Variants in PCDHGA10 observed in about 807,000 individuals in gnomAD.
The protein encoded by PCDHGA10 is protocadherin gamma subfamily A, 10, also known as protocadherin gamma-A10.
Under a neutral mutation model 59.5 loss-of-function variants are expected in PCDHGA10, and 42 were observed. That is an observed-to-expected ratio of 0.71 (90% confidence interval 0.55 to 0.91). The LOEUF is 0.91. Ranked by LOEUF, PCDHGA10 falls within the 40% of genes least tolerant of loss-of-function variation. PCDHGA10 has a pLI of 0.00. For synonymous variants in PCDHGA10, 511 were observed against 517.2 expected (o/e 0.99, Z 0.16); for missense variants, 1,111 against 1,198.2 (o/e 0.93, Z 1.07).
chr5:141,441,359 G>T (rs932747576), intron 1 of PCDHGA10: 1 of 152,522 alleles, frequency 6.6e-6, no homozygotes, highest in Non-Finnish European at 1.5e-5. Flanking sequence ...TGTAACAAAT[G>T]GGGCCGTGGA....
chr5:141,481,924 A>G (rs1189494301), intron 1 of PCDHGA10, among the ~76,000 whole-genome samples: 1 of 151,648 alleles, frequency 6.6e-6, no homozygotes, highest in Non-Finnish European at 1.5e-5. Context: ...AAAAAAAAAA[A>G]AAAAAAAAAA....
At chr5:141,457,631 G>C (rs540600166) in intron 1 of PCDHGA10, among the ~76,000 whole-genome samples, 1 of 152,282 alleles carries the variant, frequency 6.6e-6, no homozygotes, top group African/African-American at 2.4e-5. Flanking sequence ...TCTTATACTT[G>C]GCCTGATTAT....
chr5:141,475,254 C>T (rs776471860), intron 1 of PCDHGA10, among the ~76,000 whole-genome samples: 9 of 152,208 alleles, frequency 5.9e-5, no homozygotes, highest in Admixed American at 1.3e-4. Flanking sequence ...TGCTCTACAA[C>T]TGAGATCATG....
At chr5:141,478,287 G>C (rs777542913) in intron 1 of PCDHGA10, 1 of 1,614,154 alleles carries the variant, frequency 6.2e-7, no homozygotes, top group South Asian at 1.1e-5. Context: ...AAGCAGTCTA[G>C]AGACCTATAC....
chr5:141,418,954 T>C (rs1490406390), intron 1 of PCDHGA10: 2 of 1,613,914 alleles, frequency 1.2e-6, no homozygotes, highest in Admixed American at 1.7e-5. Flanking sequence ...CAGGAGTGGT[T>C]GTTGCCCTCT....
intron 1 of PCDHGA10, among the ~76,000 whole-genome samples, chr5:141,473,404 T>A (rs953797915): frequency 6.6e-6 from 1 of 152,226 alleles, no homozygotes; most frequent in Non-Finnish European, 1.5e-5. Flanking sequence ...TCTTTTTTTC[T>A]TCTTCAGTGG....
At chr5:141,417,129 T>C (rs887933624) in intron 1 of PCDHGA10, 2 of 152,218 alleles carry the variant, frequency 1.3e-5, no homozygotes, top group South Asian at 2.1e-4. Context: ...TGGATGATGG[T>C]AATGACTAGG....
chr5:141,491,227 C>T lies in PCDHGA10; in HGVS notation c.2437-3580C>T. 6.2e-7 allele frequency: 1 copy of T among 1,614,216 alleles called. No homozygotes were observed. The highest frequency in any genetic ancestry group is 8.5e-7 in the Non-Finnish European group (1 of 1,180,018). On this transcript the variant is annotated intron_variant, in intron 1 of 3. Coordinates refer to ENST00000398610, the MANE Select transcript of PCDHGA10 (RefSeq NM_018913.3). The surrounding 1 kb of genome is among the most constrained non-coding windows in gnomAD (Gnocchi z 6.9). Reference sequence around the variant, plus strand: ...TTCACTCTCCTCCACAGCCACAGTGCTGCTGGTTCTGGAGGATGAGGACCC... The same window carrying T: ...TTCACTCTCCTCCACAGCCACAGTGTTGCTGGTTCTGGAGGATGAGGACCC...
At chr5:141,470,038 A>C (rs1256439782) in intron 1 of PCDHGA10, among the ~76,000 whole-genome samples, 1 of 152,204 alleles carries the variant, frequency 6.6e-6, no homozygotes, top group Non-Finnish European at 1.5e-5. Flanking sequence ...CTGAGGCGCG[A>C]GAACTGTTTG....
intron 1 of PCDHGA10, chr5:141,429,276 T>C (rs748800169): frequency 6.6e-5 from 10 of 152,228 alleles, no homozygotes; most frequent in Non-Finnish European, 1.2e-4. Flanking sequence ...TTTTTTCCTG[T>C]GATGTTTCTT....
chr5:141,470,738 C>T lies in PCDHGA10; in HGVS notation c.2437-24069C>T, dbSNP rs117476356. On this transcript the variant is annotated intron_variant, in intron 1 of 3. Transcript: ENST00000398610. ...TTTGAGTCAGGGTCTTGCTCTGTCG[C>T]CCTGGCTGGAGTGCAGTGGACTCAC... Among the ~76,000 whole-genome samples the T allele has an allele frequency of 1.9e-3, 295 of 152,226 alleles. 7 individuals carry two copies. In the East Asian group the frequency reaches 0.046, roughly 24 times the overall value.
At chr5:141,446,039 A>G (rs1349676116) in intron 1 of PCDHGA10, among the ~76,000 whole-genome samples, 1 of 152,180 alleles carries the variant, frequency 6.6e-6, no homozygotes, top group African/African-American at 2.4e-5. Context: ...TAAGAAATGG[A>G]AGAAGAGCTG....
At chr5:141,421,173 C>A in intron 1 of PCDHGA10, 2 of 1,377,172 alleles carry the variant, frequency 1.5e-6, no homozygotes, top group Non-Finnish European at 9.7e-7. Context: ...GATACATAAG[C>A]CGATTCACAA....
intron 1 of PCDHGA10, among the ~76,000 whole-genome samples, chr5:141,451,302 G>T (rs1445994098): frequency 6.6e-6 from 1 of 152,208 alleles, no homozygotes; most frequent in Non-Finnish European, 1.5e-5. Context: ...GTCTTACAAG[G>T]CAGCAATTAA....
Position 141,422,537 on chromosome 5 carries a change from C to T in PCDHGA10, c.2436+6926C>T, listed in dbSNP as rs993210917. 2.5e-6 allele frequency: 4 copies of T among 1,613,874 alleles called. No individual in the cohort carries two copies. Among genetic ancestry groups the T allele is most frequent in the Non-Finnish European group, 3.4e-6 (4 of 1,179,894 alleles). ...GGAAGCCCGCCTTTGTCTGCAGAAA[C>T]TCATGTCTGGCTGAATGTGGCAGAT... is the stretch of plus-strand genomic sequence containing the variant. On this transcript the variant is annotated intron_variant, in intron 1 of 3. Coordinates refer to ENST00000398610, the MANE Select transcript of PCDHGA10 (RefSeq NM_018913.3).
At chr5:141,471,786 A>G (rs1043196530) in intron 1 of PCDHGA10, among the ~76,000 whole-genome samples, 6 of 152,244 alleles carry the variant, frequency 3.9e-5, no homozygotes, top group African/African-American at 1.4e-4. Flanking sequence ...ACATTATGCT[A>G]TGTCATATAA....
intron 2 of PCDHGA10, among the ~76,000 whole-genome samples, chr5:141,500,187 TA>T (rs56304898): frequency 0.051 from 5,679 of 110,700 alleles, 126 homozygotes; most frequent in Middle Eastern, 0.14. Flanking sequence ...TTTTTATTTT[TA>T]TTTATTTATT....
chr5:141,427,683 G>T, intron 1 of PCDHGA10: 1 of 836,052 alleles, frequency 1.2e-6, no homozygotes, highest in African/African-American at 1.7e-5. Context: ...CCTTCCCGGA[G>T]CCTCCATCCC....
chr5:141,420,673 A>T (rs1244699899), intron 1 of PCDHGA10, among the ~76,000 whole-genome samples: 5 of 152,208 alleles, frequency 3.3e-5, no homozygotes, highest in Admixed American at 3.3e-4. Flanking sequence ...CTACCTGATG[A>T]TTTTATCGGG....
Sources: allele counts gnomAD v4.1 joint callset (sites outside exome capture counted in the v4.1 genomes callset), GRCh38; gene constraint gnomAD v4.1.1; non-coding constraint Gnocchi (gnomAD v3.1); transcripts MANE v1.5; gene names NCBI Gene and HGNC (gene_info 2026-07-23, HGNC 2026-07-21).